The following DMD variants were observed in gnomAD, a reference collection of about 807,000 sequenced individuals.
The protein encoded by DMD is dystrophin.
DMD carries 63 observed loss-of-function variants against 330.1 expected under a neutral mutation model. The observed-to-expected ratio is 0.19, with a 90% CI of 0.16 to 0.24. DMD has a LOEUF of 0.24. DMD is among the 10% of genes least tolerant of loss of function. The pLI is 1.00. For synonymous variants in DMD, 1,223 were observed against 959.8 expected, an observed-to-expected ratio of 1.27 and a Z score of -5.07; for missense variants, 3,344 against 2,684.1, an observed-to-expected ratio of 1.25 and a Z score of -5.43.
intron 45 of DMD, among the ~76,000 whole-genome samples, chrX:31,957,537 G>A (rs2095258757): frequency 8.9e-6 from 1 of 111,846 alleles, no homozygotes; most frequent in Admixed American, 9.5e-5. Context: ...TATAAGGATT[G>A]TTATACATTC....
chrX:32,532,044 C>T (rs1286938297), intron 17 of DMD, among the ~76,000 whole-genome samples: 1 of 111,075 alleles, frequency 9.0e-6, no homozygotes, highest in African/African-American at 3.3e-5. Flanking sequence ...TACAATTTCT[C>T]ACATCAGAGA....
intron 9 of DMD, among the ~76,000 whole-genome samples, chrX:32,659,895 C>A (rs898277172): frequency 2.7e-5 from 3 of 110,589 alleles, no homozygotes; most frequent in African/African-American, 9.9e-5. Flanking sequence ...GTCTTCAGAG[C>A]CTGCCATTTC....
At chrX:33,102,234 AAAGAATCGTCCTTT>A (rs2095246053) in intron 1 of DMD, among the ~76,000 whole-genome samples, 1 of 110,996 alleles carries the variant, frequency 9.0e-6, no homozygotes, top group South Asian at 3.8e-4. Context: ...TTATTCATTA[AAAGAATCGTCCTTT>A]AAGTATAATT....
chrX:31,821,934 T>C (rs999383792), intron 49 of DMD, among the ~76,000 whole-genome samples: 14 of 112,437 alleles, frequency 1.2e-4, no homozygotes, highest in Non-Finnish European at 2.3e-4. Flanking sequence ...CTAACTGGAA[T>C]GTTTCATATA....
At chrX:32,342,528 T>A (rs2097749025) in intron 40 of DMD, 3 of 380,214 alleles carry the variant, frequency 7.9e-6, no homozygotes, top group Non-Finnish European at 1.4e-5. Context: ...GGTCTAACAT[T>A]TTCTTTCTTC....
intron 47 of DMD, among the ~76,000 whole-genome samples, chrX:31,886,059 T>C (rs182442421): frequency 1.9e-3 from 211 of 111,084 alleles, no homozygotes; most frequent in Non-Finnish European, 3.0e-3. Context: ...AGATTAAAAA[T>C]AATAATAGGG....
chrX:33,315,264 G>A (rs1434380416), intron 1 of DMD, among the ~76,000 whole-genome samples: 1 of 112,146 alleles, frequency 8.9e-6, no homozygotes, highest in Non-Finnish European at 1.9e-5. Context: ...TTAACTTAAC[G>A]GGACTGGGTT....
At chrX:32,256,325 T>A (rs866936577) in intron 43 of DMD, among the ~76,000 whole-genome samples, 2 of 107,842 alleles carry the variant, frequency 1.9e-5, no homozygotes, top group East Asian at 2.9e-4. Context: ...TTTTTTTTTA[T>A]TTTTTTTAAT....
chrX:31,201,866 G>A (rs1286960345), intron 67 of DMD, among the ~76,000 whole-genome samples: 4 of 112,115 alleles, frequency 3.6e-5, no homozygotes, highest in Non-Finnish European at 7.5e-5. Context: ...ATATGAACAC[G>A]TGTGTGTGTT....
intron 55 of DMD, among the ~76,000 whole-genome samples, chrX:31,605,615 C>T (rs777469340): frequency 2.6e-4 from 29 of 111,582 alleles, no homozygotes; most frequent in African/African-American, 9.1e-4. Flanking sequence ...CATTAAAATG[C>T]CTGTATCTCT....
At chrX:32,419,472 C>T (rs1405020245) in intron 29 of DMD, among the ~76,000 whole-genome samples, 1 of 112,083 alleles carries the variant, frequency 8.9e-6, no homozygotes, top group Non-Finnish European at 1.9e-5. Context: ...GTGGTTTTTC[C>T]TGTGGCATAT....
chrX:32,089,016 C>T (rs771460004), intron 44 of DMD, among the ~76,000 whole-genome samples: 3 of 111,570 alleles, frequency 2.7e-5, no homozygotes, highest in Admixed American at 9.5e-5. Flanking sequence ...CCATTCAATA[C>T]GCTATATTTA....
chrX:33,252,842 G>A (rs1407791981), intron 1 of DMD, among the ~76,000 whole-genome samples: 2 of 111,489 alleles, frequency 1.8e-5, no homozygotes, highest in African/African-American at 6.5e-5. Flanking sequence ...CCTCATAAGG[G>A]AAAAACCCAG....
At chrX:31,888,247 G>A (rs1184994109) in intron 47 of DMD, among the ~76,000 whole-genome samples, 6 of 111,480 alleles carry the variant, frequency 5.4e-5, no homozygotes, top group African/African-American at 2.0e-4. Flanking sequence ...ATTAATTGCA[G>A]GACTAGTGGT....
chrX:31,585,435 A>G (rs2076552864), intron 55 of DMD, among the ~76,000 whole-genome samples: 1 of 101,686 alleles, frequency 9.8e-6, no homozygotes, highest in South Asian at 4.5e-4. Context: ...ATTTCTAGTT[A>G]CTCCTTTTCT....
At chrX:32,460,046 G>A (rs1192382549) in intron 25 of DMD, among the ~76,000 whole-genome samples, 1 of 109,508 alleles carries the variant, frequency 9.1e-6, no homozygotes, top group African/African-American at 3.3e-5. Flanking sequence ...GGATGTGATG[G>A]GATTCAAAAA....
intron 34 of DMD, among the ~76,000 whole-genome samples, chrX:32,370,525 A>T (rs1318798432): frequency 4.5e-5 from 5 of 111,234 alleles, no homozygotes; most frequent in Non-Finnish European, 9.5e-5. Flanking sequence ...AATGAACTGA[A>T]CAGAAATAAC....
intron 60 of DMD, among the ~76,000 whole-genome samples, chrX:31,401,991 C>T (rs569429786): frequency 1.8e-5 from 2 of 111,504 alleles, no homozygotes; most frequent in African/African-American, 6.5e-5. Flanking sequence ...TGTAATACAA[C>T]GAGCCTCTGG....
At chrX:32,401,704 C>A (rs1306688938) in intron 30 of DMD, among the ~76,000 whole-genome samples, 2 of 111,866 alleles carry the variant, frequency 1.8e-5, no homozygotes, top group African/African-American at 3.2e-5. Flanking sequence ...TTAAAATAAA[C>A]TAAAAGAGTA....
Sources: gnomAD v4.1 joint callset for allele counts (sites outside exome capture counted in the v4.1 genomes callset) on GRCh38, gnomAD v4.1.1 for gene constraint, MANE v1.5 for transcripts, NCBI Gene and HGNC (gene_info 2026-07-23, HGNC 2026-07-21) for gene names.